GNB4: variants seen among roughly 807,000 people sequenced by gnomAD.
GNB4 encodes the protein G protein subunit beta 4, also known as guanine nucleotide-binding protein subunit beta-4.
GNB4 carries 28 observed loss-of-function variants against 45.2 expected under a neutral mutation model. The ratio of observed to expected loss-of-function variants is 0.62; its 90% CI spans 0.46 to 0.85. The LOEUF (loss-of-function observed/expected upper bound fraction) is 0.85. GNB4 is among the 40% of genes least tolerant of loss of function. The probability of loss-of-function intolerance (pLI) is 0.00; values close to 1 mark genes in which losing one functional copy is unlikely to be tolerated. For missense variants in GNB4, 321 were observed against 425.4 expected (o/e 0.75, Z 2.16); for synonymous variants, 132 against 143.7 (o/e 0.92, Z 0.58).
chr3:179,404,889 TAAG>T (rs970676797), intron 9 of GNB4, among the ~76,000 whole-genome samples: 1 of 152,162 alleles, frequency 6.6e-6, no homozygotes, highest in Non-Finnish European at 1.5e-5. Context: ...TGTCAGGTGA[TAAG>T]AAAAGTGTGA....
chr3:179,454,420 T>C (rs1715947771), upstream of GNB4, among the ~76,000 whole-genome samples: 1 of 152,194 alleles, frequency 6.6e-6, no homozygotes, highest in East Asian at 1.9e-4. Flanking sequence ...TCCCACACGC[T>C]AGTCAGAATC....
the GNB4 span, among the ~76,000 whole-genome samples, chr3:179,485,259 G>A: frequency 1.2e-4 from 18 of 151,944 alleles, no homozygotes; most frequent in African/African-American, 3.9e-4. Flanking sequence ...TGATCCGCCC[G>A]CCTCGGCCTC....
At chr3:179,439,681 T>C (rs912259848) in intron 1 of GNB4, among the ~76,000 whole-genome samples, 1 of 151,798 alleles carries the variant, frequency 6.6e-6, no homozygotes, top group Admixed American at 6.5e-5. Flanking sequence ...TATTTGTCTA[T>C]GTTGTCTTAT....
the GNB4 span, among the ~76,000 whole-genome samples, chr3:179,519,574 A>G: frequency 6.6e-6 from 1 of 151,986 alleles, no homozygotes; most frequent in African/African-American, 2.4e-5. Flanking sequence ...ACACTCTTTT[A>G]TGCACTCTTT....
chr3:179,423,749 C>G (rs1258664576), intron 2 of GNB4, among the ~76,000 whole-genome samples: 2 of 151,584 alleles, frequency 1.3e-5, no homozygotes. Context: ...CCACTGCACT[C>G]CAGCCTGGGC....
In GNB4 at chr3:179,420,891, G is replaced by T; in HGVS notation, c.94C>A (p.Gln32Lys). 1 of 1,585,464 alleles carries T rather than the reference G, an allele frequency of 6.3e-7. No individual in the cohort carries two copies. The highest frequency in any genetic ancestry group is 8.6e-7 in the Non-Finnish European group (1 of 1,158,708). Residue 32 changes from glutamine (Q) to lysine (K), a missense_variant and splice_region_variant, in exon 3 of 10, where the codon CAG becomes AAG. Gln to Lys is a moderately conservative substitution (Grantham distance 53). Coordinates refer to ENST00000232564, the MANE Select transcript of GNB4 (RefSeq NM_021629.4). ...AATAAAGAAAAACAAAACTTTACCT[G>T]AACAAGCGTTGCATCATTACATGCT... Reference protein sequence around the residue: ...RKACNDATLVQITSNMDSVGR... With the variant: ...RKACNDATLVKITSNMDSVGR...
At chr3:179,512,017 A>G in the GNB4 span, among the ~76,000 whole-genome samples, 1 of 152,250 alleles carries the variant, frequency 6.6e-6, no homozygotes, top group Non-Finnish European at 1.5e-5. Context: ...AAACTATCCT[A>G]ATAGACAGGG....
chr3:179,425,948 C>T lies in GNB4; in HGVS notation c.57+196G>A, dbSNP rs138059064. Among the ~76,000 whole-genome samples, 56 of 152,272 alleles carry T rather than the reference C, an allele frequency of 3.7e-4. 1 individual carries two copies. The East Asian group carries it at 7.5e-3, about 20-fold the overall frequency. Reference sequence around the variant, plus strand: ...CCATTCTTCTACATAGGTACTTGTTCGCAATGAATTTTGAAGAGTTCTTTC... The same window carrying T: ...CCATTCTTCTACATAGGTACTTGTTTGCAATGAATTTTGAAGAGTTCTTTC... On this transcript the variant is annotated intron_variant, in intron 2 of 9. Coordinates refer to ENST00000232564, the MANE Select transcript of GNB4 (RefSeq NM_021629.4).
intron 1 of GNB4, among the ~76,000 whole-genome samples, chr3:179,448,293 A>C (rs1319800361): frequency 6.6e-6 from 1 of 152,168 alleles, no homozygotes; most frequent in African/African-American, 2.4e-5. Context: ...CTCTTCTTCC[A>C]CGTTGGAAAC....
chr3:179,463,779 A>AC, the GNB4 span, among the ~76,000 whole-genome samples: 1 of 152,170 alleles, frequency 6.6e-6, no homozygotes, highest in Non-Finnish European at 1.5e-5. Flanking sequence ...TCCTGGGCAA[A>AC]TGCTAGTTAC....
chr3:179,522,362 C>T, the GNB4 span, among the ~76,000 whole-genome samples: 1 of 142,508 alleles, frequency 7.0e-6, no homozygotes, highest in African/African-American at 3.1e-5. Context: ...AAAACGGCCA[C>T]ACCCCTATCT....
the GNB4 span, among the ~76,000 whole-genome samples, chr3:179,470,016 T>G: frequency 6.6e-6 from 1 of 152,170 alleles, no homozygotes; most frequent in Non-Finnish European, 1.5e-5. Flanking sequence ...AGCTGAAAAC[T>G]CCTATCACCC....
the GNB4 span, among the ~76,000 whole-genome samples, chr3:179,498,554 A>G: frequency 1.3e-5 from 2 of 152,066 alleles, no homozygotes; most frequent in Non-Finnish European, 2.9e-5. Context: ...CTCTTGCCTC[A>G]GCTCTGAGTA....
chr3:179,496,621 T>C, the GNB4 span, among the ~76,000 whole-genome samples: 40 of 152,146 alleles, frequency 2.6e-4, no homozygotes, highest in African/African-American at 9.4e-4. Flanking sequence ...TAAGGACACA[T>C]AGGCTGAAAA....
At chr3:179,450,977 G>C (rs61644759) in intron 1 of GNB4, 200 of 152,388 alleles carry the variant, frequency 1.3e-3, no homozygotes, top group Middle Eastern at 6.8e-3. Flanking sequence ...GGGCACGCAC[G>C]GGCTCGTGCT....
rs746253436 is a variant in GNB4 at position 179,413,490 on chromosome 3, A to G, written c.621T>C (p.Ser207=). Residue 207 remains serine (S), a synonymous_variant, in exon 8 of 10, where the codon TCT becomes TCC. Transcript: ENST00000232564. ...RTFVSGACDA[S]SKLWDIRDGM... ...CATCTCGAATATCCCATAATTTGGAAGAGGCATCACAAGCACCAGAAACAA... is the reference window on the plus strand; with the variant it reads ...CATCTCGAATATCCCATAATTTGGAGGAGGCATCACAAGCACCAGAAACAA... 3.7e-6 allele frequency: 6 copies of G among 1,614,034 alleles called. No homozygotes were observed. In the African/African-American group the frequency reaches 8.0e-5, roughly 22 times the overall value.
At chr3:179,480,113 T>A in the GNB4 span, among the ~76,000 whole-genome samples, 1 of 152,224 alleles carries the variant, frequency 6.6e-6, no homozygotes, top group African/African-American at 2.4e-5. Flanking sequence ...GCTCTTGCCC[T>A]CTCATTATGT....
At chr3:179,459,922 T>C in the GNB4 span, among the ~76,000 whole-genome samples, 2 of 152,176 alleles carry the variant, frequency 1.3e-5, no homozygotes, top group Non-Finnish European at 2.9e-5. Flanking sequence ...CCCCAACATT[T>C]AACCCAAATC....
At chr3:179,499,715 A>G in the GNB4 span, among the ~76,000 whole-genome samples, 1 of 152,230 alleles carries the variant, frequency 6.6e-6, no homozygotes, top group African/African-American at 2.4e-5. Flanking sequence ...CCAACAGTGT[A>G]AAAGCATTCC....
Sources: gnomAD v4.1 joint callset for allele counts (sites outside exome capture counted in the v4.1 genomes callset) on GRCh38, gnomAD v4.1.1 for gene constraint, MANE v1.5 for transcripts, NCBI Gene and HGNC (gene_info 2026-07-23, HGNC 2026-07-21) for gene names.